Variants in SELENOP observed in about 807,000 individuals in gnomAD.
SELENOP encodes the protein selenoprotein P, also known as selenoprotein P, plasma, 1.
SELENOP carries 36 observed loss-of-function variants against 41.0 expected under a neutral mutation model. That is an observed-to-expected ratio of 0.88 (90% CI 0.67 to 1.16). The LOEUF is 1.16. SELENOP is among the 50% of genes most tolerant of loss of function. SELENOP has a pLI of 0.00. For synonymous variants in SELENOP, 144 were observed against 150.8 expected (o/e 0.95, Z 0.33); for missense variants, 440 against 454.2 (o/e 0.97, Z 0.28).
rs766072096 is a variant in SELENOP, at chr5:42,800,809, G to T, written c.1057C>A (p.Gln353Lys). 12 of 1,614,040 alleles carry T rather than the reference G, an allele frequency of 7.4e-6. No individual in the cohort carries two copies. Among genetic ancestry groups the T allele is most frequent in the Non-Finnish European group, 1.0e-5 (12 of 1,180,000 alleles). Residue 353 changes from glutamine (Q) to lysine (K), a missense_variant, in exon 5 of 5, where the codon CAA becomes AAA. Transcript: ENST00000514985. The part of the protein sequence containing the change: ...CQURLPPAAU[Q>K]ISQQLIPTEA... Reference sequence around the variant, plus strand: ...GTGGGTATAAGCTGCTGACTTATTTGTCAGGCAGCTGGAGGCAAACGTCAC... The same window carrying T: ...GTGGGTATAAGCTGCTGACTTATTTTTCAGGCAGCTGGAGGCAAACGTCAC...
intron 4 of SELENOP, chr5:42,802,373 G>A (rs2111625955): frequency 6.6e-6 from 1 of 152,240 alleles, no homozygotes; most frequent in South Asian, 2.1e-4. Context: ...CTCACTAAGT[G>A]ATATGCTTTT....
Position 42,800,974 on chromosome 5 carries a change from T to A in SELENOP, c.892A>T (p.Arg298Trp). Residue 298 changes from arginine (R) to tryptophan (W), a missense_variant, in exon 5 of 5, where the codon AGG becomes TGG. Arg to Trp is a moderately radical substitution (Grantham distance 101). Coordinates refer to ENST00000514985, the MANE Select transcript of SELENOP (RefSeq NM_005410.4). ...TGTCGACAATGGCAGCATCAGCTCC[T>A]AGGAGCCAACTCTGAATCTGTGGGC... ...KLPTDSELAP[R>W]SUCCHCRHLI... The A allele has an allele frequency of 6.2e-7, 1 of 1,614,238 alleles. No individual in the cohort carries two copies. Among genetic ancestry groups the A allele is most frequent in the Non-Finnish European group, 8.5e-7 (1 of 1,180,036 alleles).
intron 1 of SELENOP, chr5:42,810,839 T>C: frequency 2.1e-6 from 2 of 945,192 alleles, no homozygotes; most frequent in Non-Finnish European, 2.6e-6. Flanking sequence ...AGGTTTATGA[T>C]GAAAAAATAA....
At chr5:42,803,903 G>A (rs977305243) in intron 4 of SELENOP, among the ~76,000 whole-genome samples, 1 of 152,162 alleles carries the variant, frequency 6.6e-6, no homozygotes, top group East Asian at 1.9e-4. Flanking sequence ...AAATCTGATA[G>A]CCTTGCATCT....
chr5:42,804,471 G>A (rs1357879224), intron 4 of SELENOP, among the ~76,000 whole-genome samples, 185 bp downstream of exon 4: 1 of 143,686 alleles, frequency 7.0e-6, no homozygotes, highest in East Asian at 1.9e-4. Context: ...AAAAATAATA[G>A]TAATAGTAAT....
rs759963088 is a variant in SELENOP, at chr5:42,808,241, TC to T, written c.112del (p.Asp38IlefsTer6). 2 of 1,577,276 alleles carry T rather than the reference TC, an allele frequency of 1.3e-6. No individual in the cohort carries two copies. The highest frequency in any genetic ancestry group is 2.3e-5 in the South Asian group (2 of 85,472). On this transcript the variant is annotated frameshift_variant, in exon 2 of 5. Coordinates refer to ENST00000514985, the MANE Select transcript of SELENOP (RefSeq NM_005410.4). LOFTEE classifies it high-confidence loss of function. ...CKQPPAWSIR[D>X]QDPMLNSNGS... ...ATTGGAGTTTAGCATTGGATCTTGA[TC>T]TCTTATGCTCCAGGCTGGGGGTTGC...
intron 2 of SELENOP, chr5:42,807,931 A>G (rs1170058861): frequency 6.4e-6 from 2 of 314,572 alleles, no homozygotes; most frequent in Non-Finnish European, 1.1e-5. Flanking sequence ...TAGGTGCACA[A>G]AAAGAAGAAA....
chr5:42,803,882 G>A (rs1290754711), intron 4 of SELENOP, among the ~76,000 whole-genome samples: 2 of 152,064 alleles, frequency 1.3e-5, no homozygotes, highest in African/African-American at 4.8e-5. Flanking sequence ...GCAGTGGAAG[G>A]GCTTCAGGAA....
intron 3 of SELENOP, chr5:42,806,583 C>T (rs1760333686): frequency 4.5e-6 from 1 of 224,032 alleles, no homozygotes; most frequent in Non-Finnish European, 9.0e-6. Flanking sequence ...ACAGAATAAA[C>T]CAAGGAAGAA....
Position 42,808,149 on chromosome 5 carries a change from A to C in SELENOP, c.203+2T>G. ...TTTTAAGCCACAGAAAGACTGTCTTACTTAGATGCCTGCAGTATGCACAGG... is the reference window on the plus strand; with the variant it reads ...TTTTAAGCCACAGAAAGACTGTCTTCCTTAGATGCCTGCAGTATGCACAGG... On this transcript the variant is annotated splice_donor_variant, in intron 2 of 4. Coordinates refer to ENST00000514985, the MANE Select transcript of SELENOP (RefSeq NM_005410.4). LOFTEE classifies it high-confidence loss of function. 1 of 1,486,924 alleles carries C rather than the reference A, an allele frequency of 6.7e-7. No homozygotes were observed. The highest frequency in any genetic ancestry group is 9.0e-7 in the Non-Finnish European group (1 of 1,112,894). The allele number at this position is 1,486,924 out of a possible 1,614,324, so 92.1% of individuals were successfully genotyped here.
chr5:42,804,668 GTTTCCACATTTC>G lies in SELENOP; in HGVS notation c.510_521del (p.Lys170_Gly173del). 6.4e-6 allele frequency: 10 copies of G among 1,571,414 alleles called. No individual in the cohort carries two copies. Among genetic ancestry groups the G allele is most frequent in the Non-Finnish European group, 8.7e-6 (10 of 1,147,542 alleles). On this transcript the variant is annotated inframe_deletion, in exon 4 of 5. Transcript: ENST00000514985. Reference sequence around the variant, plus strand: ...TTCAGAAAAATACCGTGAGAGAGCAGTTTCCACATTTCTTTTCACAGTAAGCAATCTTAATGG... The same window carrying G: ...TTCAGAAAAATACCGTGAGAGAGCAGTTTTCACAGTAAGCAATCTTAATGG...
intron 4 of SELENOP, among the ~76,000 whole-genome samples, chr5:42,803,638 T>A (rs1760261051): frequency 6.6e-6 from 1 of 152,204 alleles, no homozygotes; most frequent in South Asian, 2.1e-4. Flanking sequence ...ATTTTCCCAA[T>A]CTGACTTCTC....
chr5:42,804,740 A>T lies in SELENOP; in HGVS notation c.450T>A (p.Pro150=), dbSNP rs556120024. The change falls in exon 4 of 5, where the codon CCT becomes CCA. Residue 150 remains proline, a synonymous_variant. Coordinates refer to ENST00000514985, the MANE Select transcript of SELENOP (RefSeq NM_005410.4). ...CATATGGGAAAGTTAGGAAGGAAAA[A>T]GGCAAACCAAGATGATATACAAGAC... ...CGRLVYHLGL[P]FSFLTFPYVE... 1.2e-6 allele frequency: 2 copies of T among 1,609,590 alleles called. No individual in the cohort carries two copies. The highest frequency in any genetic ancestry group is 2.2e-5 in the South Asian group (2 of 90,772).
rs376368658 is a variant in SELENOP, at chr5:42,808,230, T to C, written c.124A>G (p.Met42Val). ...GTCACTGAACCATTGGAGTTTAGCA[T>C]TGGATCTTGATCTCTTATGCTCCAG... ...PAWSIRDQDP[M>V]LNSNGSVTVV... The change falls in exon 2 of 5, where the codon ATG becomes GTG. Residue 42 changes from methionine (M) to valine (V), a missense_variant. Physicochemically the swap from Met to Val is conservative, Grantham distance 21. Transcript: ENST00000514985. The C allele has an allele frequency of 3.8e-6, 6 of 1,584,698 alleles. No homozygotes were observed. The African/African-American group carries it at 4.1e-5, about 11-fold the overall frequency.
chr5:42,802,076 T>G (rs1760219077), intron 4 of SELENOP: 1 of 152,220 alleles, frequency 6.6e-6, no homozygotes, highest in Admixed American at 6.5e-5. Flanking sequence ...TGTTAGTTTT[T>G]CATACTTCAT....
chr5:42,811,435 T>G (rs1222548657), intron 1 of SELENOP, among the ~76,000 whole-genome samples: 1 of 152,246 alleles, frequency 6.6e-6, no homozygotes, highest in Non-Finnish European at 1.5e-5. Context: ...TGAGCATATT[T>G]CAGTGTCTGC....
Position 42,808,184 on chromosome 5 carries a change from G to A in SELENOP, c.170C>T (p.Ala57Val). 2 of 1,567,804 alleles carry A rather than the reference G, an allele frequency of 1.3e-6. No homozygotes were observed. The highest frequency in any genetic ancestry group is 8.6e-7 in the Non-Finnish European group (1 of 1,158,382). Residue 57 changes from alanine to valine, a missense_variant, in exon 2 of 5, where the codon GCC (alanine) becomes GTC (valine). Physicochemically the swap from Ala to Val is moderately conservative, Grantham distance 64. Transcript: ENST00000514985. ...GSVTVVALLQ[A>V]SUYLCILQAS... ...CTGCAGTATGCACAGGTATCAGCTG[G>A]CTTGAAGAAGAGCAACCACAGTCAC...
At position 42,801,041 on chromosome 5, in the gene SELENOP, C is replaced by G; in HGVS notation, c.825G>C (p.Lys275Asn). The change falls in exon 5 of 5, where the codon AAG (lysine) becomes AAC (asparagine). Residue 275 changes from lysine to asparagine, a missense_variant. Physicochemically the swap from Lys to Asn is moderately conservative, Grantham distance 94. Transcript: ENST00000514985. ...ASEDLQDLQK[K>N]LCRKRCINQL... ...GATTTATACATCTCTTTCGACAGAG[C>G]TTCTTTTGTAAATCTTGTAAATCTT... is the stretch of plus-strand genomic sequence containing the variant. 6.2e-7 allele frequency: 1 copy of G among 1,614,220 alleles called. No homozygotes were observed. The highest frequency in any genetic ancestry group is 8.5e-7 in the Non-Finnish European group (1 of 1,180,036).
At chr5:42,803,905 C>G (rs1335844038) in intron 4 of SELENOP, among the ~76,000 whole-genome samples, 1 of 152,178 alleles carries the variant, frequency 6.6e-6, no homozygotes, top group Non-Finnish European at 1.5e-5. Flanking sequence ...ATCTGATAGC[C>G]TTGCATCTTC....
Sources: gnomAD v4.1 joint callset for allele counts (sites outside exome capture counted in the v4.1 genomes callset) on GRCh38, gnomAD v4.1.1 for gene constraint, MANE v1.5 for transcripts, NCBI Gene and HGNC (gene_info 2026-07-23, HGNC 2026-07-21) for gene names.